Variants in SPRR2G observed in about 807,000 individuals in gnomAD.
SPRR2G encodes the protein small proline rich protein 2G.
A neutral mutation model predicts 0.7 loss-of-function variants in SPRR2G; 1 was observed. That is an observed-to-expected ratio of 1.49 (90% CI 0.53 to 7.06). The LOEUF (loss-of-function observed/expected upper bound fraction) is 7.06. Ranked by LOEUF, SPRR2G falls within the 30% of genes most tolerant of loss-of-function variation. The pLI is 0.14. For synonymous variants in SPRR2G, 38 were observed against 33.9 expected, an observed-to-expected ratio of 1.12 and a Z score of -0.42; for missense variants, 96 against 88.5, an observed-to-expected ratio of 1.09 and a Z score of -0.34.
the SPRR2G span, among the ~76,000 whole-genome samples, chr1:153,177,292 T>A: frequency 6.6e-6 from 1 of 152,224 alleles, no homozygotes; most frequent in Admixed American, 6.5e-5. Context: ...TGGGGCTATA[T>A]GAACAAAGTT....
At chr1:153,158,090 C>T in the SPRR2G span, among the ~76,000 whole-genome samples, 7 of 152,116 alleles carry the variant, frequency 4.6e-5, no homozygotes, top group African/African-American at 1.7e-4. Context: ...CTCCTGGACC[C>T]TCCCAAATCT....
Position 153,150,053 on chromosome 1 carries a change from T to C in SPRR2G, c.58A>G (p.Thr20Ala). ...QPCQPPPVCP[T>A]PKCPEPCPPP... ...GGACATGGCTCTGGGCACTTTGGCG[T>C]GGGGCACACAGGAGGTGGCTGGCAG... is the stretch of plus-strand genomic sequence containing the variant. Residue 20 changes from threonine (T) to alanine (A), a missense_variant, in exon 2 of 2, where the codon ACG becomes GCG. By Grantham distance (58) the Thr-to-Ala change is moderately conservative (BLOSUM62 0). Transcript: ENST00000368748. The C allele has an allele frequency of 1.2e-6, 2 of 1,613,232 alleles. No homozygotes were observed. Among genetic ancestry groups the C allele is most frequent in the Non-Finnish European group, 1.7e-6 (2 of 1,179,852 alleles).
chr1:153,167,223 C>G, the SPRR2G span, among the ~76,000 whole-genome samples: 9 of 152,122 alleles, frequency 5.9e-5, no homozygotes, highest in African/African-American at 2.2e-4. Context: ...GCCTGTAATC[C>G]CAGCATTTTG....
At chr1:153,153,934 C>T (rs1656524595), upstream of SPRR2G, among the ~76,000 whole-genome samples, 1 of 152,026 alleles carries the variant, frequency 6.6e-6, no homozygotes, top group Non-Finnish European at 1.5e-5. Context: ...TTTTCACCCT[C>T]GAATATATTA....
At chr1:153,177,541 GTGGGTCTGAAATGA>G in the SPRR2G span, among the ~76,000 whole-genome samples, 27 of 152,194 alleles carry the variant, frequency 1.8e-4, no homozygotes, top group South Asian at 5.6e-3. Flanking sequence ...AGCCATTTTT[GTGGGTCTGAAATGA>G]TATCTTATGG....
At chr1:153,157,466 CT>C in the SPRR2G span, among the ~76,000 whole-genome samples, 1 of 152,108 alleles carries the variant, frequency 6.6e-6, no homozygotes, top group Non-Finnish European at 1.5e-5. Flanking sequence ...TTATAATACT[CT>C]TTTTTATTGC....
the SPRR2G span, among the ~76,000 whole-genome samples, chr1:153,177,013 C>A: frequency 4.1e-4 from 63 of 152,266 alleles, no homozygotes; most frequent in African/African-American, 1.5e-3. Flanking sequence ...TGTTCAGATT[C>A]CTCACCATAG....
At chr1:153,153,155 G>T (rs1209810269), upstream of SPRR2G, among the ~76,000 whole-genome samples, 2 of 152,074 alleles carry the variant, frequency 1.3e-5, no homozygotes, top group African/African-American at 4.8e-5. Flanking sequence ...AAGTATCTAG[G>T]GAATAGGAGT....
At chr1:153,153,122 G>A (rs998062623), upstream of SPRR2G, among the ~76,000 whole-genome samples, 6 of 152,122 alleles carry the variant, frequency 3.9e-5, no homozygotes, top group Non-Finnish European at 5.9e-5. Context: ...ACTAGTAACC[G>A]TGGTTATCTC....
In SPRR2G at chr1:153,149,847, C is replaced by CTGGATCT; in HGVS notation, c.*35_*41dup. On this transcript the variant is annotated 3_prime_UTR_variant, in exon 2 of 2. Transcript: ENST00000368748. ...GGAGTCCTGGGAGTAAGAAGAGCCACTGGATCTTGTTGTTTCATGGTCCTG... is the reference window on the plus strand; with the variant it reads ...GGAGTCCTGGGAGTAAGAAGAGCCACTGGATCTTGGATCTTGTTGTTTCATGGTCCTG... The CTGGATCT allele has an allele frequency of 6.2e-7, 1 of 1,609,288 alleles. No individual in the cohort carries two copies. Among genetic ancestry groups the CTGGATCT allele is most frequent in the Non-Finnish European group, 8.5e-7 (1 of 1,175,876 alleles).
the SPRR2G span, among the ~76,000 whole-genome samples, chr1:153,159,636 A>G: frequency 6.6e-6 from 1 of 152,200 alleles, no homozygotes. Context: ...TAAAGATACT[A>G]CCTGAAACTG....
chr1:153,149,599 CAT>C lies in SPRR2G; in HGVS notation c.*288_*289del, dbSNP rs369787007. The stretch of plus-strand genomic sequence containing the variant: ...AAGCAATGTGGGCTTGACCATGAAA[CAT>C]GTGCTTTATTGGGGAGAAGCAAAAG... On this transcript the variant is annotated 3_prime_UTR_variant, in exon 2 of 2. Transcript: ENST00000368748. 98 of 487,734 alleles carry C rather than the reference CAT, an allele frequency of 2.0e-4. 1 individual carries two copies. The East Asian group carries it at 2.2e-3, about 11-fold the overall frequency. 30.2% of individuals were successfully genotyped at this position (487,734 alleles called of 1,614,324 possible).
chr1:153,188,488 G>A, the SPRR2G span, among the ~76,000 whole-genome samples: 2 of 152,094 alleles, frequency 1.3e-5, no homozygotes, highest in Admixed American at 1.3e-4. Context: ...CACTGTAAGG[G>A]GAAACGGCCT....
chr1:153,199,970 G>A, the SPRR2G span, among the ~76,000 whole-genome samples: 5 of 152,108 alleles, frequency 3.3e-5, no homozygotes, highest in African/African-American at 1.2e-4. Context: ...GAAAAAAATA[G>A]AAATACTTTG....
At chr1:153,192,213 A>G in the SPRR2G span, among the ~76,000 whole-genome samples, 4 of 152,160 alleles carry the variant, frequency 2.6e-5, no homozygotes, top group Non-Finnish European at 5.9e-5. Flanking sequence ...AGGCTTGTGG[A>G]AGCTGAGGAA....
chr1:153,172,066 T>G, the SPRR2G span, among the ~76,000 whole-genome samples: 1 of 152,126 alleles, frequency 6.6e-6, no homozygotes, highest in Admixed American at 6.5e-5. Context: ...ACCTACAGCT[T>G]CAGGTATCCA....
the SPRR2G span, among the ~76,000 whole-genome samples, chr1:153,174,338 A>G: frequency 6.6e-6 from 1 of 152,242 alleles, no homozygotes; most frequent in African/African-American, 2.4e-5. Context: ...ATTATTGGGT[A>G]GATTATAGAA....
the SPRR2G span, among the ~76,000 whole-genome samples, chr1:153,158,660 G>C: frequency 6.6e-6 from 1 of 152,204 alleles, no homozygotes; most frequent in Admixed American, 6.5e-5. Context: ...GACACTGTGT[G>C]GGGGCTCCAA....
chr1:153,177,687 C>G, the SPRR2G span, among the ~76,000 whole-genome samples: 1 of 152,048 alleles, frequency 6.6e-6, no homozygotes, highest in Non-Finnish European at 1.5e-5. Flanking sequence ...TTATGCTTTT[C>G]ATTTATCTAT....
Sources: gnomAD v4.1 joint callset for allele counts (sites outside exome capture counted in the v4.1 genomes callset) on GRCh38, gnomAD v4.1.1 for gene constraint, MANE v1.5 for transcripts, NCBI Gene and HGNC (gene_info 2026-07-23, HGNC 2026-07-21) for gene names.